The following CBL variants were observed in gnomAD, a reference collection of about 807,000 sequenced individuals.
The protein encoded by CBL is Cbl proto-oncogene.
CBL carries 45 observed loss-of-function variants against 96.9 expected under a neutral mutation model. That is an observed-to-expected ratio of 0.46 (90% CI 0.37 to 0.60). CBL has a LOEUF of 0.60. Among genes scored for constraint, CBL ranks in the 20% least tolerant of loss-of-function variants. The probability of loss-of-function intolerance (pLI) is 0.00; values close to 1 mark genes in which losing one functional copy is unlikely to be tolerated. For missense variants in CBL, 1,024 were observed against 1,143.5 expected (o/e 0.90, Z 1.51); for synonymous variants, 420 against 426.8 (o/e 0.98, Z 0.20).
At chr11:119,274,695 T>G in intron 4 of CBL, 137 bp from the exon 5 acceptor site, 1 of 797,550 alleles carries the variant, frequency 1.3e-6, no homozygotes, top group East Asian at 2.5e-5. Context: ...CACATGTGTC[T>G]TCTCTCTGAG....
intron 1 of CBL, among the ~76,000 whole-genome samples, chr11:119,208,728 T>C (rs1344022152): frequency 6.6e-6 from 1 of 152,198 alleles, no homozygotes; most frequent in African/African-American, 2.4e-5. Context: ...TGTATTCTTA[T>C]TAAAGTGTTT....
chr11:119,287,348 T>C (rs1163755174), intron 11 of CBL, among the ~76,000 whole-genome samples: 3 of 152,184 alleles, frequency 2.0e-5, no homozygotes, highest in Non-Finnish European at 4.4e-5. Context: ...CATCAGCAAG[T>C]AGGCAGTCAG....
chr11:119,273,452 T>G (rs1949863482), intron 3 of CBL, among the ~76,000 whole-genome samples: 1 of 152,222 alleles, frequency 6.6e-6, no homozygotes, highest in African/African-American at 2.4e-5. Flanking sequence ...TGCAGCAAGG[T>G]TTCACTCTGT....
At chr11:119,217,277 G>A (rs961493853) in intron 1 of CBL, among the ~76,000 whole-genome samples, 2 of 152,052 alleles carry the variant, frequency 1.3e-5, no homozygotes, top group Non-Finnish European at 2.9e-5. Context: ...CCACAGGCCC[G>A]GCTAATTTTG....
In CBL at chr11:119,206,450, C is replaced by T. The variant is rs760968593; in HGVS notation, c.33C>T (p.Ala11=). 40 of 1,580,638 alleles carry T rather than the reference C, an allele frequency of 2.5e-5. No homozygotes were observed. The African/African-American group carries it at 4.7e-4, about 19-fold the overall frequency. ...GCAACGTGAAGAAGAGCTCTGGGGC[C>T]GGGGGCGGCAGCGGCTCCGGGGGCT... The part of the protein sequence containing the change: MAGNVKKSSG[A]GGGSGSGGSG... Residue 11 remains alanine (A), a synonymous_variant, in exon 1 of 16, where the codon GCC becomes GCT. Transcript: ENST00000264033.
At chr11:119,268,984 T>C (rs776169480) in intron 2 of CBL, among the ~76,000 whole-genome samples, 2 of 152,212 alleles carry the variant, frequency 1.3e-5, no homozygotes, top group African/African-American at 2.4e-5. Context: ...CAGAATGTTA[T>C]GTAGATGTAG....
intron 2 of CBL, among the ~76,000 whole-genome samples, chr11:119,240,301 AAAAAAAAAG>A (rs1230332227): frequency 1.3e-5 from 2 of 151,894 alleles, no homozygotes; most frequent in Non-Finnish European, 2.9e-5. Flanking sequence ...TACCAATTAA[AAAAAAAAAG>A]AAAAAAAAGA....
intron 1 of CBL, among the ~76,000 whole-genome samples, chr11:119,227,215 T>A (rs944910361): frequency 1.3e-5 from 2 of 152,238 alleles, no homozygotes; most frequent in Non-Finnish European, 2.9e-5. Flanking sequence ...GGCTTTGTGT[T>A]AAGATGATTT....
chr11:119,250,999 T>A (rs2135279984), intron 2 of CBL, among the ~76,000 whole-genome samples: 1 of 152,306 alleles, frequency 6.6e-6, no homozygotes, highest in Admixed American at 6.5e-5. Context: ...TTTAGTTCTT[T>A]CAGGTGAGAG....
chr11:119,230,886 T>C lies in CBL; in HGVS notation c.196-1562T>C, dbSNP rs541569623. ...TTTGTATGACAAACACAAAATGGAC[T>C]AAACTTACCAGTTAGAAAACAATGA... On this transcript the variant is annotated intron_variant, in intron 1 of 15. Coordinates refer to ENST00000264033, the MANE Select transcript of CBL (RefSeq NM_005188.4). 2.0e-5 allele frequency among the ~76,000 whole-genome samples: 3 copies of C among 152,342 alleles called. No individual in the cohort carries two copies. In the South Asian group the frequency reaches 6.2e-4, roughly 32 times the overall value.
intron 1 of CBL, among the ~76,000 whole-genome samples, chr11:119,221,162 G>T (rs1193639203): frequency 5.3e-5 from 8 of 151,764 alleles, no homozygotes; most frequent in African/African-American, 1.9e-4. Flanking sequence ...AGAATTGCTT[G>T]AACCTGGGAG....
rs144191570 is a variant in CBL at position 119,299,573 on chromosome 11, G to C, written c.2513G>C (p.Gly838Ala). Residue 838 changes from glycine (G) to alanine (A), a missense_variant, in exon 16 of 16, where the codon GGC becomes GCC. This residue lies in a region of CBL where 695 missense variants were observed against 661.6 expected (regional missense o/e 1.05). Coordinates refer to ENST00000264033, the MANE Select transcript of CBL (RefSeq NM_005188.4). The part of the protein sequence containing the change: ...PRRINSERKA[G>A]SCQQGSGPAA... The stretch of plus-strand genomic sequence containing the variant: ...AGAATCAACTCTGAACGGAAAGCTG[G>C]CAGCTGTCAGCAAGGTAGTGGTCCT... The C allele has an allele frequency of 1.2e-6, 2 of 1,614,154 alleles. No homozygotes were observed. Among genetic ancestry groups the C allele is most frequent in the Non-Finnish European group, 1.7e-6 (2 of 1,180,014 alleles).
intron 2 of CBL, among the ~76,000 whole-genome samples, chr11:119,236,906 G>A (rs574271336): frequency 6.6e-6 from 1 of 152,032 alleles, no homozygotes; most frequent in East Asian, 1.9e-4. Context: ...AACCTTCCTT[G>A]GATTCAGTTA....
chr11:119,210,499 G>C (rs1949307112), intron 1 of CBL, among the ~76,000 whole-genome samples: 1 of 151,746 alleles, frequency 6.6e-6, no homozygotes, highest in African/African-American at 2.4e-5. Context: ...GCATGATCTC[G>C]GCTCATTGTT....
intron 1 of CBL, among the ~76,000 whole-genome samples, chr11:119,224,777 A>C (rs1031986476): frequency 2.0e-5 from 3 of 151,984 alleles, no homozygotes; most frequent in African/African-American, 7.2e-5. Flanking sequence ...AATATTTACG[A>C]TTCATTAAGT....
At chr11:119,272,257 G>T (rs1246828057) in intron 3 of CBL, among the ~76,000 whole-genome samples, 2 of 152,106 alleles carry the variant, frequency 1.3e-5, no homozygotes, top group African/African-American at 2.4e-5. Context: ...GAGTCGCTGG[G>T]ACTATAGGTG....
chr11:119,291,761 G>T (rs1408805178), intron 12 of CBL, among the ~76,000 whole-genome samples: 1 of 152,170 alleles, frequency 6.6e-6, no homozygotes, highest in African/African-American at 2.4e-5. Context: ...TTTCCTAGCT[G>T]CCTACAAAAC....
intron 2 of CBL, among the ~76,000 whole-genome samples, chr11:119,256,241 G>C (rs976684827): frequency 6.6e-6 from 1 of 150,906 alleles, no homozygotes; most frequent in African/African-American, 2.4e-5. Flanking sequence ...GCCCAGGTTG[G>C]AGTGCAGTGG....
intron 9 of CBL, among the ~76,000 whole-genome samples, chr11:119,280,527 GTTGT>G (rs1383668879): frequency 6.6e-6 from 1 of 152,056 alleles, no homozygotes; most frequent in Admixed American, 6.6e-5. Context: ...CCTGGTAGAT[GTTGT>G]TTGTTGTTTT....
Sources: allele counts gnomAD v4.1 joint callset (sites outside exome capture counted in the v4.1 genomes callset), GRCh38; gene constraint gnomAD v4.1.1; regional missense constraint gnomAD v4.1.1; transcripts MANE v1.5; gene names NCBI Gene and HGNC (gene_info 2026-07-23, HGNC 2026-07-21).